NRGN: variants seen among roughly 807,000 people sequenced by gnomAD.
The protein encoded by NRGN is neurogranin.
For missense variants in NRGN, 82 were observed against 123.0 expected (o/e 0.67, Z 1.58); for synonymous variants, 47 against 52.8 (o/e 0.89, Z 0.47).
At position 124,746,791 on chromosome 11, in the gene NRGN, C is replaced by A. The variant is rs1944017035; in HGVS notation, c.*411C>A. On this transcript the variant is annotated 3_prime_UTR_variant, in exon 4 of 4. Transcript: ENST00000284292. ...CACTCACTTAAAGAAAAAACGAGTTCTTTCGTTCTGTGCGCAGCTAAAAGG... is the reference window on the plus strand; with the variant it reads ...CACTCACTTAAAGAAAAAACGAGTTATTTCGTTCTGTGCGCAGCTAAAAGG... The A allele has an allele frequency of 1.3e-5, 2 of 152,398 alleles. No individual in the cohort carries two copies. Among genetic ancestry groups the A allele is most frequent in the Admixed American group, 1.3e-4 (2 of 15,288 alleles). 9.4% of individuals were successfully genotyped at this position (152,398 alleles called of 1,614,324 possible). A position where few individuals can be genotyped will look rare whatever the true frequency, so the allele number is the denominator to read the frequency against.
chr11:124,745,616 G>A lies in NRGN; in HGVS notation c.129G>A (p.Arg43=), dbSNP rs1944002957. The change falls in exon 2 of 4, where the codon CGG becomes CGA. Residue 43 remains arginine, a synonymous_variant. Transcript: ENST00000284292. The surrounding 1 kb of genome is among the most constrained non-coding windows in gnomAD (Gnocchi z 6.4). ...CGAGTTTTCGGGGCCACATGGCGCG[G>A]AAGAAGATAAAGAGCGGAGAGCGCG... ...IQASFRGHMA[R]KKIKSGERGR... 6.2e-7 allele frequency: 1 copy of A among 1,603,488 alleles called. No individual in the cohort carries two copies. The highest frequency in any genetic ancestry group is 1.1e-5 in the South Asian group (1 of 89,740).
At chr11:124,741,072 T>C (rs940892691) in intron 1 of NRGN, among the ~76,000 whole-genome samples, 1 of 152,204 alleles carries the variant, frequency 6.6e-6, no homozygotes, top group Admixed American at 6.5e-5. Flanking sequence ...CCCAGTTCTA[T>C]AATAGGTGAG....
rs1944013996 is a variant in NRGN at position 124,746,590 on chromosome 11, T to C, written c.*210T>C. The C allele has an allele frequency of 6.5e-6, 1 of 152,682 alleles. No homozygotes were observed. Among genetic ancestry groups the C allele is most frequent in the Non-Finnish European group, 1.5e-5 (1 of 68,104 alleles). The allele number at this position is 152,682 out of a possible 1,614,324, so 9.5% of individuals were successfully genotyped here. A position where few individuals can be genotyped will look rare whatever the true frequency, so the allele number is the denominator to read the frequency against. On this transcript the variant is annotated 3_prime_UTR_variant, in exon 4 of 4. Transcript: ENST00000284292. ...TGCCCTTTTAGTTAGTTCTGCAGTC[T>C]AGTATGGTCCCCATTTGCCCTTCCA...
rs767957302 is a variant in NRGN at position 124,745,553 on chromosome 11, C to T, written c.66C>T (p.Asp22=). Residue 22 remains aspartate (D), a synonymous_variant, in exon 2 of 4, where the codon GAC becomes GAT. Transcript: ENST00000284292. The surrounding 1 kb of genome is among the most constrained non-coding windows in gnomAD (Gnocchi z 6.4). ...PDDDILDIPL[D]DPGANAAAAK... ...ACGACATTCTAGACATCCCGCTGGA[C>T]GATCCCGGCGCCAACGCGGCCGCCG... 1.9e-5 allele frequency: 30 copies of T among 1,605,894 alleles called. No homozygotes were observed. Among genetic ancestry groups the T allele is most frequent in the Middle Eastern group, 3.3e-4 (2 of 6,042 alleles).
In NRGN at chr11:124,745,678, C is replaced by A; in HGVS notation, c.191C>A (p.Ala64Asp). 1 of 1,456,294 alleles carries A rather than the reference C, an allele frequency of 6.9e-7. No individual in the cohort carries two copies. The highest frequency in any genetic ancestry group is 9.0e-7 in the Non-Finnish European group (1 of 1,110,248). The allele number at this position is 1,456,294 out of a possible 1,614,324, so 90.2% of individuals were successfully genotyped here. The change falls in exon 2 of 4, where the codon GCT becomes GAT. Residue 64 changes from alanine to aspartate, a missense_variant. Physicochemically the swap from Ala to Asp is moderately radical, Grantham distance 126. Coordinates refer to ENST00000284292, the MANE Select transcript of NRGN (RefSeq NM_006176.3). This position sits in a 1 kb window ranked among gnomAD's most constrained non-coding sequence, Gnocchi z 6.4. ...KGPGPGGPGG[A>D]GVARGGAGGG... ...CCGGGCCCTGGGGGGCCTGGCGGAGCTGGGGTGGCCCGGGGAGGCGCGGGC... is the reference window on the plus strand; with the variant it reads ...CCGGGCCCTGGGGGGCCTGGCGGAGATGGGGTGGCCCGGGGAGGCGCGGGC...
At chr11:124,742,831 G>A (rs147461276) in intron 1 of NRGN, among the ~76,000 whole-genome samples, 39 of 152,272 alleles carry the variant, frequency 2.6e-4, no homozygotes, top group Middle Eastern at 3.4e-3. Flanking sequence ...AAAGCTATTC[G>A]GATTTGGGAG....
At chr11:124,743,757 A>T (rs1329722897) in intron 1 of NRGN, among the ~76,000 whole-genome samples, 1 of 152,112 alleles carries the variant, frequency 6.6e-6, no homozygotes, top group Admixed American at 6.5e-5. Context: ...AGCCTTCCTC[A>T]TATCCTGTCC....
In NRGN at chr11:124,745,575, G is replaced by A; in HGVS notation, c.88G>A (p.Ala30Thr). ...PLDDPGANAA[A>T]AKIQASFRGH... ...GGACGATCCCGGCGCCAACGCGGCC[G>A]CCGCCAAAATCCAGGCGAGTTTTCG... The change falls in exon 2 of 4, where the codon GCC becomes ACC. Residue 30 changes from alanine to threonine, a missense_variant. Coordinates refer to ENST00000284292, the MANE Select transcript of NRGN (RefSeq NM_006176.3). This position sits in a 1 kb window ranked among gnomAD's most constrained non-coding sequence, Gnocchi z 6.4. The A allele has an allele frequency of 6.2e-7, 1 of 1,606,652 alleles. No homozygotes were observed. The highest frequency in any genetic ancestry group is 2.3e-5 in the East Asian group (1 of 44,242).
rs1194791709 is a variant in NRGN at position 124,744,633 on chromosome 11, A to G, written c.16-870A>G. On this transcript the variant is annotated intron_variant, in intron 1 of 3. Coordinates refer to ENST00000284292, the MANE Select transcript of NRGN (RefSeq NM_006176.3). Reference sequence around the variant, plus strand: ...CATTAGTTTTATTAGGGGTAATGATAAAAAGGTACGTAATAGCTTTATTTT... The same window carrying G: ...CATTAGTTTTATTAGGGGTAATGATGAAAAGGTACGTAATAGCTTTATTTT... The G allele has an allele frequency of 2.0e-5, 3 of 152,346 alleles. No individual in the cohort carries two copies. The East Asian group carries it at 5.8e-4, about 29-fold the overall frequency. The allele number at this position is 152,346 out of a possible 1,614,324, so 9.4% of individuals were successfully genotyped here.
intron 1 of NRGN, among the ~76,000 whole-genome samples, chr11:124,741,087 T>C (rs1943962619): frequency 6.6e-6 from 1 of 152,216 alleles, no homozygotes; most frequent in Non-Finnish European, 1.5e-5. Context: ...GGTGAGACTT[T>C]CCCATGTCTG....
In NRGN at chr11:124,746,684, C is replaced by CCCA. The variant is rs1200537697; in HGVS notation, c.*305_*307dup. The CCCA allele has an allele frequency of 6.5e-6, 1 of 152,736 alleles. No individual in the cohort carries two copies. The highest frequency in any genetic ancestry group is 1.5e-5 in the Non-Finnish European group (1 of 68,284). The allele number at this position is 152,736 out of a possible 1,614,324, so 9.5% of individuals were successfully genotyped here. On this transcript the variant is annotated 3_prime_UTR_variant, in exon 4 of 4. Transcript: ENST00000284292. The stretch of plus-strand genomic sequence containing the variant: ...TGCTTCTCGCCCACCTCTTCCCGCA[C>CCCA]CCAGCATGCAGCTCTGCCTCCGCAG...
Position 124,745,840 on chromosome 11 carries a change from G to A in NRGN, c.*5+111G>A. On this transcript the variant is annotated intron_variant, in intron 2 of 3. Transcript: ENST00000284292. This position sits in a 1 kb window ranked among gnomAD's most constrained non-coding sequence, Gnocchi z 6.4. ...GTGCAGGGGGCGTGGAGGGAGCTAA[G>A]GGTTGGGGGATAGAAATCCGAGATG... 3.9e-6 allele frequency: 2 copies of A among 507,160 alleles called. No individual in the cohort carries two copies. Among genetic ancestry groups the A allele is most frequent in the East Asian group, 3.8e-5 (1 of 26,566 alleles). The allele number at this position is 507,160 out of a possible 1,614,324, so 31.4% of individuals were successfully genotyped here. A position where few individuals can be genotyped will look rare whatever the true frequency, so the allele number is the denominator to read the frequency against.
rs1565438318 is a variant in NRGN at position 124,746,905 on chromosome 11, G to GCC, written c.*525_*526insCC. 1 of 152,706 alleles carries GCC rather than the reference G, an allele frequency of 6.5e-6. No individual in the cohort carries two copies. The highest frequency in any genetic ancestry group is 1.9e-4 in the East Asian group (1 of 5,190). 9.5% of individuals were successfully genotyped at this position (152,706 alleles called of 1,614,324 possible). A position where few individuals can be genotyped will look rare whatever the true frequency, so the allele number is the denominator to read the frequency against. On this transcript the variant is annotated 3_prime_UTR_variant, in exon 4 of 4. Coordinates refer to ENST00000284292, the MANE Select transcript of NRGN (RefSeq NM_006176.3). The stretch of plus-strand genomic sequence containing the variant: ...AGATGAAGGGAAGAGGGTTGTTTTG[G>GCC]TTTCGGACGACCCTTGCTCTGACCG...
At position 124,745,649 on chromosome 11, in the gene NRGN, G is replaced by A. The variant is rs964654955; in HGVS notation, c.162G>A (p.Lys54=). The A allele has an allele frequency of 5.8e-6, 9 of 1,546,344 alleles. No individual in the cohort carries two copies. The East Asian group carries it at 1.0e-4, about 17-fold the overall frequency. ...TAAAGAGCGGAGAGCGCGGCCGGAAGGGCCCGGGCCCTGGGGGGCCTGGCG... is the reference window on the plus strand; with the variant it reads ...TAAAGAGCGGAGAGCGCGGCCGGAAAGGCCCGGGCCCTGGGGGGCCTGGCG... ...KKIKSGERGR[K]GPGPGGPGGA... Residue 54 remains lysine, a synonymous_variant, in exon 2 of 4, where the codon AAG becomes AAA. Transcript: ENST00000284292. This position sits in a 1 kb window ranked among gnomAD's most constrained non-coding sequence, Gnocchi z 6.4.
chr11:124,741,849 G>A (rs1943968629), intron 1 of NRGN, among the ~76,000 whole-genome samples: 1 of 152,082 alleles, frequency 6.6e-6, no homozygotes, highest in South Asian at 2.1e-4. Context: ...GGATGTGGGG[G>A]TCCCTGCCTG....
In NRGN at chr11:124,741,041, G is replaced by A. The variant is rs1452440706; in HGVS notation, c.15+942G>A. On this transcript the variant is annotated intron_variant, in intron 1 of 3. Coordinates refer to ENST00000284292, the MANE Select transcript of NRGN (RefSeq NM_006176.3). ...TGGCATAGTAAAGAAAAAAAAAGTG[G>A]GCTTTGGAAGGGAAGGATAGCCCAG... is the stretch of plus-strand genomic sequence containing the variant. Among the ~76,000 whole-genome samples the A allele has an allele frequency of 4.6e-5, 7 of 152,330 alleles. No individual in the cohort carries two copies. The East Asian group carries it at 1.2e-3, about 25-fold the overall frequency.
intron 1 of NRGN, among the ~76,000 whole-genome samples, chr11:124,741,528 G>T (rs1943965858): frequency 6.6e-6 from 1 of 152,004 alleles, no homozygotes; most frequent in Admixed American, 6.6e-5. Context: ...TTTTCCCTCT[G>T]CTTGTTATTC....
In NRGN at chr11:124,745,648, AGGGCCC is replaced by A; in HGVS notation, c.168_173del (p.Pro58_Gly59del). 1 of 1,568,644 alleles carries A rather than the reference AGGGCCC, an allele frequency of 6.4e-7. No individual in the cohort carries two copies. The highest frequency in any genetic ancestry group is 1.2e-5 in the South Asian group (1 of 86,626). ...ATAAAGAGCGGAGAGCGCGGCCGGA[AGGGCCC>A]GGGCCCTGGGGGGCCTGGCGGAGCT... On this transcript the variant is annotated inframe_deletion, in exon 2 of 4. Coordinates refer to ENST00000284292, the MANE Select transcript of NRGN (RefSeq NM_006176.3). The surrounding 1 kb of genome is among the most constrained non-coding windows in gnomAD (Gnocchi z 6.4).
intron 1 of NRGN, among the ~76,000 whole-genome samples, chr11:124,742,536 A>G (rs1398582777): frequency 6.6e-6 from 1 of 152,160 alleles, no homozygotes; most frequent in Non-Finnish European, 1.5e-5. Flanking sequence ...CGCGCATGAA[A>G]AAGCGCATGA....
Sources: gnomAD v4.1 joint callset for allele counts (sites outside exome capture counted in the v4.1 genomes callset) on GRCh38, gnomAD v4.1.1 for gene constraint, Gnocchi (gnomAD v3.1) non-coding constraint, MANE v1.5 for transcripts, NCBI Gene and HGNC (gene_info 2026-07-23, HGNC 2026-07-21) for gene names.